Variants in ZC3H12B observed in about 807,000 individuals in gnomAD.
ZC3H12B encodes probable ribonuclease ZC3H12B.
A neutral mutation model predicts 43.9 loss-of-function variants in ZC3H12B; 7 were observed. The ratio of observed to expected loss-of-function variants is 0.16; its 90% CI spans 0.09 to 0.30. The LOEUF (loss-of-function observed/expected upper bound fraction) is 0.30, where lower values mean the gene tolerates loss of function less well. ZC3H12B is among the 10% of genes least tolerant of loss of function. The pLI is 1.00. For synonymous variants in ZC3H12B, 222 were observed against 241.7 expected (o/e 0.92, Z 0.76); for missense variants, 475 against 670.2 (o/e 0.71, Z 3.22).
the ZC3H12B span, among the ~76,000 whole-genome samples, chrX:65,230,551 A>G: frequency 1.8e-5 from 2 of 108,841 alleles, no homozygotes; most frequent in Non-Finnish European, 3.8e-5. Context: ...TAAAAAAAAT[A>G]TACGAAATCA....
the ZC3H12B span, among the ~76,000 whole-genome samples, chrX:65,190,553 T>G: frequency 5.2e-4 from 55 of 106,416 alleles, no homozygotes; most frequent in Non-Finnish European, 9.9e-4. Context: ...TTATTCTCTT[T>G]GAAGCAATTG....
chrX:65,206,290 G>A, the ZC3H12B span, among the ~76,000 whole-genome samples: 1 of 111,836 alleles, frequency 8.9e-6, no homozygotes, highest in East Asian at 2.8e-4. Context: ...CACCAAAACA[G>A]CAAGGTACTG....
intron 1 of ZC3H12B, among the ~76,000 whole-genome samples, chrX:65,492,545 A>G (rs2068220531): frequency 8.9e-6 from 1 of 111,924 alleles, no homozygotes; most frequent in African/African-American, 3.3e-5. Context: ...TTTTTTTTAA[A>G]TTGCCAGTTG....
chrX:65,168,587 A>G, the ZC3H12B span, among the ~76,000 whole-genome samples: 4 of 110,037 alleles, frequency 3.6e-5, no homozygotes, highest in African/African-American at 1.3e-4. Context: ...CTCTTTTTCT[A>G]TTGTTTGGAA....
chrX:65,422,328 G>A (rs532318048), intron 3 of ZC3H12B, among the ~76,000 whole-genome samples: 2 of 111,514 alleles, frequency 1.8e-5, no homozygotes, highest in African/African-American at 6.5e-5. Context: ...ATTCCCAAGA[G>A]GGGAATATTT....
chrX:65,328,696 C>A, the ZC3H12B span, among the ~76,000 whole-genome samples: 160 of 61,247 alleles, frequency 2.6e-3, 1 homozygote, highest in African/African-American at 9.4e-3. Context: ...TATCCCTCCC[C>A]CCTCCCCCCA....
At chrX:65,157,741 C>A in the ZC3H12B span, among the ~76,000 whole-genome samples, 1 of 104,129 alleles carries the variant, frequency 9.6e-6, no homozygotes, top group East Asian at 2.9e-4. Context: ...TCTCTTTAAC[C>A]CACTTTTTCT....
chrX:65,250,555 G>A, the ZC3H12B span, among the ~76,000 whole-genome samples: 6 of 111,541 alleles, frequency 5.4e-5, no homozygotes, highest in African/African-American at 2.0e-4. Flanking sequence ...TCCTACCAAT[G>A]GCATAAAAGT....
chrX:65,331,148 T>C, the ZC3H12B span: 1 of 256,206 alleles, frequency 3.9e-6, no homozygotes, highest in South Asian at 5.4e-5. Flanking sequence ...CTCTACACAC[T>C]TTTCTTCATA....
the ZC3H12B span, among the ~76,000 whole-genome samples, chrX:65,194,236 A>G: frequency 2.6e-5 from 2 of 76,407 alleles, no homozygotes; most frequent in Non-Finnish European, 4.8e-5. Flanking sequence ...AAATTTAATT[A>G]TCTTCTTTGG....
the ZC3H12B span, among the ~76,000 whole-genome samples, chrX:65,213,333 C>G: frequency 1.8e-5 from 2 of 110,519 alleles, no homozygotes; most frequent in Non-Finnish European, 3.8e-5. Context: ...TTCTAACACT[C>G]CAACACCACA....
At chrX:65,315,864 G>T in the ZC3H12B span, among the ~76,000 whole-genome samples, 1 of 111,537 alleles carries the variant, frequency 9.0e-6, no homozygotes, top group Non-Finnish European at 1.9e-5. Flanking sequence ...ATAGATAGGA[G>T]TGAAGATCAT....
At chrX:65,343,841 A>C in the ZC3H12B span, among the ~76,000 whole-genome samples, 2 of 111,622 alleles carry the variant, frequency 1.8e-5, no homozygotes, top group Non-Finnish European at 3.8e-5. Context: ...AAGGCAAGAG[A>C]AAGAAATTAA....
the ZC3H12B span, among the ~76,000 whole-genome samples, chrX:65,217,260 A>T: frequency 8.9e-6 from 1 of 112,167 alleles, no homozygotes; most frequent in East Asian, 2.8e-4. Context: ...CTAGTGCTGA[A>T]ATGGCTGCAG....
At chrX:65,252,896 T>G in the ZC3H12B span, among the ~76,000 whole-genome samples, 2 of 112,311 alleles carry the variant, frequency 1.8e-5, no homozygotes, top group Non-Finnish European at 3.8e-5. Flanking sequence ...GTTGACATTA[T>G]TCTTCCATTA....
chrX:65,352,651 A>G, the ZC3H12B span, among the ~76,000 whole-genome samples: 1 of 110,983 alleles, frequency 9.0e-6, no homozygotes, highest in Non-Finnish European at 1.9e-5. Flanking sequence ...TCACTTCCTT[A>G]TGTTTCCCAG....
chrX:65,157,039 G>A, the ZC3H12B span, among the ~76,000 whole-genome samples: 8 of 110,881 alleles, frequency 7.2e-5, no homozygotes, highest in Non-Finnish European at 5.7e-5. Flanking sequence ...GGAGTGCAGT[G>A]GCACAATCAC....
At chrX:65,195,434 C>A in the ZC3H12B span, among the ~76,000 whole-genome samples, 1 of 111,784 alleles carries the variant, frequency 8.9e-6, no homozygotes, top group African/African-American at 3.3e-5. Flanking sequence ...AACAAACAAG[C>A]GAAGAGAACA....
At chrX:65,476,287 A>G (rs778373235) in intron 3 of ZC3H12B, among the ~76,000 whole-genome samples, 8 of 111,708 alleles carry the variant, frequency 7.2e-5, no homozygotes, top group Non-Finnish European at 1.3e-4. Context: ...GACTTTCTTC[A>G]GTCTTTTTCA....
Sources: gnomAD v4.1 joint callset for allele counts (sites outside exome capture counted in the v4.1 genomes callset) on GRCh38, gnomAD v4.1.1 for gene constraint, MANE v1.5 for transcripts, NCBI Gene and HGNC (gene_info 2026-07-23, HGNC 2026-07-21) for gene names.